Variants in ARID3A observed in about 807,000 individuals in gnomAD.
ARID3A encodes the protein AT-rich interaction domain 3A, also known as AT-rich interactive domain-containing protein 3A.
Under a neutral mutation model 52.7 loss-of-function variants are expected in ARID3A, and 11 were observed. The observed-to-expected ratio is 0.21, with a 90% CI of 0.13 to 0.35. The LOEUF is 0.35. Ranked by LOEUF, ARID3A falls within the 10% of genes least tolerant of loss-of-function variation. The pLI is 1.00. For synonymous variants in ARID3A, 404 were observed against 359.4 expected, an observed-to-expected ratio of 1.12 and a Z score of -1.40; for missense variants, 721 against 838.5, an observed-to-expected ratio of 0.86 and a Z score of 1.73.
intron 3 of ARID3A, among the ~76,000 whole-genome samples, chr19:953,368 G>T (rs1026366142): frequency 6.6e-5 from 10 of 151,422 alleles, no homozygotes; most frequent in Non-Finnish European, 1.3e-4. Context: ...CCCCACCGGC[G>T]CCACCACCCG....
At chr19:953,524 G>A (rs1438796092) in intron 3 of ARID3A, among the ~76,000 whole-genome samples, 8 of 152,104 alleles carry the variant, frequency 5.3e-5, no homozygotes, top group Middle Eastern at 3.4e-3. Context: ...GGGCCACAGC[G>A]TCTTCCCTCC....
intron 3 of ARID3A, among the ~76,000 whole-genome samples, chr19:943,828 C>A (rs1012909970): frequency 7.9e-5 from 12 of 152,236 alleles, no homozygotes; most frequent in African/African-American, 2.9e-4. Flanking sequence ...GGCTGTGCCT[C>A]CCTGGGCACA....
At chr19:934,845 T>C (rs193135427) in intron 3 of ARID3A, among the ~76,000 whole-genome samples, 1 of 152,292 alleles carries the variant, frequency 6.6e-6, no homozygotes, top group East Asian at 1.9e-4. Context: ...TGGGCTCAAG[T>C]GATCTGCCTC....
chr19:969,202 C>T (rs1023338750), intron 8 of ARID3A, among the ~76,000 whole-genome samples: 2 of 151,808 alleles, frequency 1.3e-5, no homozygotes, highest in Non-Finnish European at 2.9e-5. Context: ...TACTGGCATC[C>T]AATGCCTAAT....
chr19:950,668 T>C (rs952505813), intron 3 of ARID3A, among the ~76,000 whole-genome samples: 10 of 152,166 alleles, frequency 6.6e-5, no homozygotes, highest in African/African-American at 2.2e-4. Context: ...ATCTTGGTCT[T>C]GACTTCCAAG....
rs764039680 is a variant in ARID3A, at chr19:941,222, G to A, written c.693+8480G>A. ...GTGGTGCCTGGGCGGGGGAATGGGC[G>A]TGGTGAGCCGCCGTGGCGTGCGTGC... On this transcript the variant is annotated intron_variant, in intron 3 of 8. Coordinates refer to ENST00000263620, the MANE Select transcript of ARID3A (RefSeq NM_005224.3). The surrounding 1 kb of genome is among the most constrained non-coding windows in gnomAD (Gnocchi z 6.9). Among the ~76,000 whole-genome samples the A allele has an allele frequency of 3.1e-4, 47 of 152,362 alleles. No individual in the cohort carries two copies. The highest frequency in any genetic ancestry group is 3.4e-3 in the Middle Eastern group (1 of 294).
chr19:968,603 G>A, intron 8 of ARID3A, 100 bp downstream of exon 8: 1 of 1,114,556 alleles, frequency 9.0e-7, no homozygotes, highest in Non-Finnish European at 1.3e-6. Context: ...TTGAACCTAG[G>A]TGTGCGGGCG....
chr19:940,093 T>C lies in ARID3A; in HGVS notation c.693+7351T>C, dbSNP rs868327423. ...GGGAGGCTGCCAAGAGGAAGGGGCATTGGGGCTGGGGCTTTGCAGGATGTG... is the reference window on the plus strand; with the variant it reads ...GGGAGGCTGCCAAGAGGAAGGGGCACTGGGGCTGGGGCTTTGCAGGATGTG... On this transcript the variant is annotated intron_variant, in intron 3 of 8. Coordinates refer to ENST00000263620, the MANE Select transcript of ARID3A (RefSeq NM_005224.3). Among the ~76,000 whole-genome samples, 4 of 151,846 alleles carry C rather than the reference T, an allele frequency of 2.6e-5. 1 individual carries two copies. Among genetic ancestry groups the C allele is most frequent in the East Asian group, 3.9e-4 (2 of 5,106 alleles).
At position 972,204 on chromosome 19, in the gene ARID3A, CAAAAAGAAAAGA is replaced by C; in HGVS notation, c.*147_*158del. The C allele has an allele frequency of 4.4e-6, 2 of 459,046 alleles. No homozygotes were observed. Among genetic ancestry groups the C allele is most frequent in the Non-Finnish European group, 7.3e-6 (2 of 272,334 alleles). 28.4% of individuals were successfully genotyped at this position (459,046 alleles called of 1,614,324 possible). ...TCCAGAAAGGAGCCACAGCTGACGC[CAAAAAGAAAAGA>C]AAAAAGATATATATATATATATATA... is the stretch of plus-strand genomic sequence containing the variant. On this transcript the variant is annotated 3_prime_UTR_variant, in exon 9 of 9. Transcript: ENST00000263620.
rs1568379825 is a variant in ARID3A, at chr19:975,130, A to G, written c.*3065A>G. The G allele has an allele frequency of 8.7e-6, 2 of 229,486 alleles. No homozygotes were observed. The highest frequency in any genetic ancestry group is 1.7e-5 in the Non-Finnish European group (2 of 116,672). The allele number at this position is 229,486 out of a possible 1,614,324, so 14.2% of individuals were successfully genotyped here. A position where few individuals can be genotyped will look rare whatever the true frequency, so the allele number is the denominator to read the frequency against. ...GTGGCTTTCTGGGGTGCAGCTCAGC[A>G]CCCCCCCTTATGCAGACTGGGAGGG... is the stretch of plus-strand genomic sequence containing the variant. On this transcript the variant is annotated 3_prime_UTR_variant, in exon 9 of 9. Coordinates refer to ENST00000263620, the MANE Select transcript of ARID3A (RefSeq NM_005224.3).
chr19:931,210 C>T (rs543742107), intron 2 of ARID3A, among the ~76,000 whole-genome samples: 1 of 152,158 alleles, frequency 6.6e-6, no homozygotes, highest in African/African-American at 2.4e-5. Flanking sequence ...GGAAGGACTG[C>T]TTGAGCTCAG....
intron 3 of ARID3A, among the ~76,000 whole-genome samples, chr19:951,792 T>C (rs922251047): frequency 6.6e-6 from 1 of 152,034 alleles, no homozygotes; most frequent in Non-Finnish European, 1.5e-5. Context: ...AAAACATACT[T>C]CTTCAGTTTC....
At chr19:927,167 T>G (rs1256292365) in intron 1 of ARID3A, among the ~76,000 whole-genome samples, 1 of 152,098 alleles carries the variant, frequency 6.6e-6, no homozygotes, top group Admixed American at 6.5e-5. Context: ...GTGACCTCTC[T>G]CCGGAGGCCT....
Position 959,016 on chromosome 19 carries a change from G to C in ARID3A, c.694-1076G>C, listed in dbSNP as rs1479817059. On this transcript the variant is annotated intron_variant, in intron 3 of 8. Transcript: ENST00000263620. The surrounding 1 kb of genome is among the most constrained non-coding windows in gnomAD (Gnocchi z 5.0). ...GGACAGCCACAGATTTGTAGCCCAG[G>C]AGCGCTGGCTGGGCTGTGCCTGTGC... 6.6e-6 allele frequency among the ~76,000 whole-genome samples: 1 copy of C among 152,234 alleles called. No individual in the cohort carries two copies. Among genetic ancestry groups the C allele is most frequent in the Non-Finnish European group, 1.5e-5 (1 of 68,038 alleles).
chr19:975,912 CAAA>C lies in ARID3A; in HGVS notation c.*3849_*3851del, dbSNP rs892019965. ...AAGCTGATGAGATATTAAAACGAGA[CAAA>C]ACACTTCTGACTTTTAACAGAAAAG... On this transcript the variant is annotated 3_prime_UTR_variant, in exon 9 of 9. Coordinates refer to ENST00000263620, the MANE Select transcript of ARID3A (RefSeq NM_005224.3). The C allele has an allele frequency of 5.5e-6, 1 of 180,336 alleles. No individual in the cohort carries two copies. The highest frequency in any genetic ancestry group is 2.4e-5 in the African/African-American group (1 of 42,362). 11.2% of individuals were successfully genotyped at this position (180,336 alleles called of 1,614,324 possible).
At position 966,821 on chromosome 19, in the gene ARID3A, T is replaced by G; in HGVS notation, c.1448T>G (p.Leu483Arg). Residue 483 changes from leucine (L) to arginine (R), a missense_variant, in exon 7 of 9, where the codon CTG (leucine) becomes CGG (arginine). Leu to Arg is a moderately radical substitution (Grantham distance 102, BLOSUM62 -2). Around this residue, in one of 5 missense-constraint regions of ARID3A, gnomAD observed 297 missense variants for 343.2 expected, o/e 0.87. Coordinates refer to ENST00000263620, the MANE Select transcript of ARID3A (RefSeq NM_005224.3). ...LMQRALQQNF[L>R]AMAAQLPMSI... Reference sequence around the variant, plus strand: ...CAACGTGCACTCCAGCAGAACTTCCTGGCCATGGCGGCCCAGCTGCCCATG... The same window carrying G: ...CAACGTGCACTCCAGCAGAACTTCCGGGCCATGGCGGCCCAGCTGCCCATG... 6.2e-7 allele frequency: 1 copy of G among 1,613,408 alleles called. No individual in the cohort carries two copies. The highest frequency in any genetic ancestry group is 8.5e-7 in the Non-Finnish European group (1 of 1,179,796).
intron 2 of ARID3A, among the ~76,000 whole-genome samples, chr19:931,983 G>T (rs2037339447): frequency 6.6e-6 from 1 of 152,016 alleles, no homozygotes; most frequent in Non-Finnish European, 1.5e-5. Context: ...GCAGGAACCA[G>T]CCTGCCGTAA....
chr19:929,421 C>G lies in ARID3A; in HGVS notation c.-108C>G. On this transcript the variant is annotated 5_prime_UTR_variant, in exon 2 of 9. Transcript: ENST00000263620. The surrounding 1 kb of genome is among the most constrained non-coding windows in gnomAD (Gnocchi z 6.2). ...CCCCGGCTCCCCCGCGGCCCCCACG[C>G]TGCAGTGCGGCCGGGCCCCCTCCCC... 1 of 1,209,364 alleles carries G rather than the reference C, an allele frequency of 8.3e-7. No individual in the cohort carries two copies. Among genetic ancestry groups the G allele is most frequent in the Non-Finnish European group, 1.1e-6 (1 of 949,608 alleles). The allele number at this position is 1,209,364 out of a possible 1,614,324, so 74.9% of individuals were successfully genotyped here.
chr19:929,442 T>TC lies in ARID3A; in HGVS notation c.-83dup. ...CACGCTGCAGTGCGGCCGGGCCCCC[T>TC]CCCCGCAGGGGCCGCCCCCGCCGCC... is the stretch of plus-strand genomic sequence containing the variant. On this transcript the variant is annotated 5_prime_UTR_variant, in exon 2 of 9. Coordinates refer to ENST00000263620, the MANE Select transcript of ARID3A (RefSeq NM_005224.3). This position sits in a 1 kb window ranked among gnomAD's most constrained non-coding sequence, Gnocchi z 6.2. 8 of 674,944 alleles carry TC rather than the reference T, an allele frequency of 1.2e-5. No individual in the cohort carries two copies. The highest frequency in any genetic ancestry group is 1.5e-5 in the Non-Finnish European group (8 of 522,522). 41.8% of individuals were successfully genotyped at this position (674,944 alleles called of 1,614,324 possible).
Sources: gnomAD v4.1 joint callset for allele counts (sites outside exome capture counted in the v4.1 genomes callset) on GRCh38, gnomAD v4.1.1 for gene constraint, gnomAD v4.1.1 regional missense constraint, Gnocchi (gnomAD v3.1) non-coding constraint, MANE v1.5 for transcripts, NCBI Gene and HGNC (gene_info 2026-07-23, HGNC 2026-07-21) for gene names.